PLOD2: variants seen among roughly 807,000 people sequenced by gnomAD.
PLOD2 encodes the protein procollagen-lysine,2-oxoglutarate 5-dioxygenase 2.
PLOD2 carries 65 observed loss-of-function variants against 101.0 expected under a neutral mutation model. The observed-to-expected ratio is 0.64, with a 90% CI of 0.53 to 0.79. PLOD2 has a LOEUF of 0.79. Among genes scored for constraint, PLOD2 ranks in the 30% least tolerant of loss-of-function variants. The pLI is 0.00. For missense variants in PLOD2, 909 were observed against 914.6 expected (o/e 0.99, Z 0.08); for synonymous variants, 314 against 302.9 (o/e 1.04, Z -0.38).
chr3:146,120,911 C>T (rs1435338949), intron 3 of PLOD2, among the ~76,000 whole-genome samples: 7 of 151,974 alleles, frequency 4.6e-5, no homozygotes, highest in Non-Finnish European at 1.0e-4. Flanking sequence ...TTAGTAGAGA[C>T]AGGGTTTCAC....
At chr3:146,092,623 T>C (rs1301023515) in intron 7 of PLOD2, among the ~76,000 whole-genome samples, 1 of 152,030 alleles carries the variant, frequency 6.6e-6, no homozygotes, top group Non-Finnish European at 1.5e-5. Context: ...CTTTGTGAGG[T>C]ATCTGTTCTT....
At chr3:146,103,300 A>G (rs1460468256) in intron 6 of PLOD2, among the ~76,000 whole-genome samples, 2 of 152,184 alleles carry the variant, frequency 1.3e-5, no homozygotes, top group Non-Finnish European at 2.9e-5. Flanking sequence ...ATTGTCTGGC[A>G]TAAGCAAGGG....
At position 146,081,875 on chromosome 3, in the gene PLOD2, G is replaced by C. The variant is rs1228734450; in HGVS notation, c.1233-12C>G. On this transcript the variant is annotated splice_polypyrimidine_tract_variant and intron_variant, in intron 11 of 19. Transcript: ENST00000282903. ...GAGCAATGATCTTTCTAAAGACAGA[G>C]AGAGTGTGTGTGAGAGAGAGAAACC... 3 of 1,609,666 alleles carry C rather than the reference G, an allele frequency of 1.9e-6. No homozygotes were observed. In the East Asian group the frequency reaches 6.7e-5, roughly 36 times the overall value.
At chr3:146,096,725 C>T (rs911925932) in intron 7 of PLOD2, among the ~76,000 whole-genome samples, 1 of 149,106 alleles carries the variant, frequency 6.7e-6, no homozygotes, top group Non-Finnish European at 1.5e-5. Flanking sequence ...CGTCTCCGCC[C>T]GGAAGCCACC....
At chr3:146,101,957 C>T (rs1937403205) in intron 7 of PLOD2, among the ~76,000 whole-genome samples, 1 of 152,158 alleles carries the variant, frequency 6.6e-6, no homozygotes, top group African/African-American at 2.4e-5. Context: ...CAGAAGTTGC[C>T]AGCATGCGTT....
intron 11 of PLOD2, among the ~76,000 whole-genome samples, chr3:146,082,116 A>T (rs1343487080): frequency 1.3e-5 from 2 of 152,216 alleles, no homozygotes; most frequent in South Asian, 4.1e-4. Flanking sequence ...TGAAAATGCT[A>T]ATGAATACAT....
chr3:146,144,733 G>A (rs752155054), intron 1 of PLOD2, among the ~76,000 whole-genome samples: 1 of 151,934 alleles, frequency 6.6e-6, no homozygotes, highest in Non-Finnish European at 1.5e-5. Flanking sequence ...TCAATGCCAT[G>A]GGAAATGCTT....
At position 146,110,232 on chromosome 3, in the gene PLOD2, T is replaced by C. The variant is rs1355963852; in HGVS notation, c.502+53A>G. The C allele has an allele frequency of 2.7e-6, 4 of 1,497,592 alleles. No individual in the cohort carries two copies. In the Admixed American group the frequency reaches 5.0e-5, roughly 19 times the overall value. 92.8% of individuals were successfully genotyped at this position (1,497,592 alleles called of 1,614,324 possible). ...GTTACTACATCTACAAAAATGGTTG[T>C]TTCATTAGTCTTTATAACTTGCATT... On this transcript the variant is annotated intron_variant, in intron 4 of 19. Coordinates refer to ENST00000282903, the MANE Select transcript of PLOD2 (RefSeq NM_182943.3).
rs533869111 is a variant in PLOD2 at position 146,095,225 on chromosome 3, A to T, written c.778-3324T>A. Among the ~76,000 whole-genome samples the T allele has an allele frequency of 9.2e-5, 14 of 152,308 alleles. No homozygotes were observed. The South Asian group carries it at 2.9e-3, about 32-fold the overall frequency. ...AAGCCAAAATTGGCAAATGGGATCT[A>T]ATTAAACTAAGGAACTTCTGCTCTG... On this transcript the variant is annotated intron_variant, in intron 7 of 19. Transcript: ENST00000282903.
chr3:146,150,386 CGTAGCCATTAAAAAAAAAATGAGATCAT>C (rs1453317740), intron 1 of PLOD2, among the ~76,000 whole-genome samples: 3 of 150,466 alleles, frequency 2.0e-5, no homozygotes, highest in African/African-American at 7.3e-5. Flanking sequence ...TTAACTTCTA[CGTAGCCATTAAAAAAAAAATGAGATCAT>C]GTTTTTTGCG....
At chr3:146,126,157 A>G (rs1237574675) in intron 1 of PLOD2, among the ~76,000 whole-genome samples, 1 of 152,200 alleles carries the variant, frequency 6.6e-6, no homozygotes, top group African/African-American at 2.4e-5. Flanking sequence ...TAGTCTGACC[A>G]TGTCCAGCAA....
chr3:146,132,907 G>A (rs138438366), intron 1 of PLOD2, among the ~76,000 whole-genome samples: 239 of 152,260 alleles, frequency 1.6e-3, no homozygotes, highest in African/African-American at 5.5e-3. Context: ...GGCTGGATCC[G>A]GTAGCTCATG....
chr3:146,095,590 C>T (rs761988247), intron 7 of PLOD2, among the ~76,000 whole-genome samples: 17 of 152,058 alleles, frequency 1.1e-4, no homozygotes, highest in East Asian at 1.9e-4. Context: ...GAAATAGGAA[C>T]GCTTTTACGC....
At chr3:146,085,337 G>GA (rs1936724382) in intron 10 of PLOD2, 64 bp from the exon 11 acceptor site, 1 of 815,022 alleles carries the variant, frequency 1.2e-6, no homozygotes, top group African/African-American at 1.7e-5. Flanking sequence ...ACTGAAAAAT[G>GA]TTAATATATA....
intron 3 of PLOD2, among the ~76,000 whole-genome samples, chr3:146,111,856 T>G (rs369321815): frequency 6.7e-6 from 1 of 149,894 alleles, no homozygotes; most frequent in Admixed American, 6.7e-5. Flanking sequence ...TTTTTTTTTT[T>G]AATAATGAAG....
chr3:146,118,195 AT>A (rs1266668971), intron 3 of PLOD2, among the ~76,000 whole-genome samples: 3 of 152,096 alleles, frequency 2.0e-5, no homozygotes, highest in Non-Finnish European at 4.4e-5. Context: ...TGAACTTGGT[AT>A]TCTTTTTCTA....
rs1937645988 is a variant in PLOD2 at position 146,111,824 on chromosome 3, CA to C, written c.339-1377del. On this transcript the variant is annotated intron_variant, in intron 3 of 19. Coordinates refer to ENST00000282903, the MANE Select transcript of PLOD2 (RefSeq NM_182943.3). ...CCGGATTTAACGGTGATATTTTCCT[CA>C]AGACTATAAGTTGTTGATAATTTTT... Among the ~76,000 whole-genome samples, 3 of 149,354 alleles carry C rather than the reference CA, an allele frequency of 2.0e-5. No homozygotes were observed. In the Admixed American group the frequency reaches 2.0e-4, roughly 10 times the overall value.
chr3:146,078,301 A>G (rs373919585), intron 13 of PLOD2, among the ~76,000 whole-genome samples: 2 of 151,898 alleles, frequency 1.3e-5, no homozygotes, highest in East Asian at 3.9e-4. Context: ...AGGATATTCA[A>G]TAATAATGCA....
intron 15 of PLOD2, chr3:146,073,680 G>T (rs1559832212): frequency 6.4e-6 from 1 of 155,908 alleles, no homozygotes; most frequent in Non-Finnish European, 1.4e-5. Context: ...CCCGTGGGAG[G>T]TTAAAAACAC....
Sources: gnomAD v4.1 joint callset for allele counts (sites outside exome capture counted in the v4.1 genomes callset) on GRCh38, gnomAD v4.1.1 for gene constraint, MANE v1.5 for transcripts, NCBI Gene and HGNC (gene_info 2026-07-23, HGNC 2026-07-21) for gene names.